Variants in MARCHF1 observed in about 807,000 individuals in gnomAD.
MARCHF1 encodes membrane associated ring-CH-type finger 1.
In MARCHF1, 40 loss-of-function variants were observed where a neutral mutation model predicts 54.2. The observed-to-expected ratio is 0.74, with a 90% CI of 0.57 to 0.96. The LOEUF (loss-of-function observed/expected upper bound fraction) is 0.96, where lower values mean the gene tolerates loss of function less well. Among genes scored for constraint, MARCHF1 ranks in the 40% least tolerant of loss-of-function variants. The pLI, the probability that MARCHF1 is intolerant of heterozygous loss-of-function variation, is 0.00. For synonymous variants in MARCHF1, 236 were observed against 236.3 expected, an observed-to-expected ratio of 1.00 and a Z score of 0.01; for missense variants, 586 against 656.5, an observed-to-expected ratio of 0.89 and a Z score of 1.17.
chr4:163,804,444 T>C (rs1000032994), intron 4 of MARCHF1, among the ~76,000 whole-genome samples: 4 of 152,190 alleles, frequency 2.6e-5, no homozygotes, highest in African/African-American at 9.6e-5. Context: ...TGATACTTTT[T>C]AACAAGCTCA....
intron 3 of MARCHF1, among the ~76,000 whole-genome samples, chr4:163,889,701 C>T (rs1030415477): frequency 1.3e-5 from 2 of 151,950 alleles, no homozygotes; most frequent in African/African-American, 4.8e-5. Flanking sequence ...TGACTCGATC[C>T]TATTTCCCTT....
At chr4:163,656,376 T>G (rs1458751437) in intron 5 of MARCHF1, among the ~76,000 whole-genome samples, 1 of 151,978 alleles carries the variant, frequency 6.6e-6, no homozygotes, top group Non-Finnish European at 1.5e-5. Flanking sequence ...AATCCCTGAA[T>G]AGACTAATAA....
At chr4:164,189,249 G>A in intron 1 of MARCHF1, 1 of 578,374 alleles carries the variant, frequency 1.7e-6, no homozygotes, top group Non-Finnish European at 3.2e-6. Flanking sequence ...TCCAGCTAGA[G>A]GTAGAAAAGG....
At chr4:164,139,391 A>G (rs145543926) in intron 1 of MARCHF1, among the ~76,000 whole-genome samples, 20 of 152,318 alleles carry the variant, frequency 1.3e-4, no homozygotes, top group African/African-American at 4.6e-4. Context: ...TCATGTAAGA[A>G]ATGTTGACAA....
chr4:164,123,590 A>AT lies in MARCHF1; in HGVS notation c.-322-11929dup, dbSNP rs879676770. ...AGTAACCAAGCAGCATGGTGCTAGC[A>AT]TAAAAACAGACATATAGACCAATGG... On this transcript the variant is annotated intron_variant, in intron 1 of 9. Coordinates refer to ENST00000514618, the MANE Select transcript of MARCHF1 (RefSeq NM_001394959.1). Among the ~76,000 whole-genome samples the AT allele has an allele frequency of 4.3e-4, 65 of 152,302 alleles. 1 individual carries two copies. Among genetic ancestry groups the AT allele is most frequent in the Admixed American group, 4.1e-3 (63 of 15,280 alleles).
intron 4 of MARCHF1, among the ~76,000 whole-genome samples, chr4:163,746,334 T>A (rs1158643735): frequency 6.6e-6 from 1 of 152,220 alleles, no homozygotes; most frequent in African/African-American, 2.4e-5. Flanking sequence ...TTTTATGGCT[T>A]GAGAGCTCAT....
At chr4:163,882,227 G>C (rs539152197) in intron 3 of MARCHF1, among the ~76,000 whole-genome samples, 4 of 152,294 alleles carry the variant, frequency 2.6e-5, no homozygotes. Flanking sequence ...ATAAACACAG[G>C]ATTGTGTCTC....
chr4:163,983,325 T>G (rs1752798589), intron 3 of MARCHF1, among the ~76,000 whole-genome samples: 1 of 152,212 alleles, frequency 6.6e-6, no homozygotes, highest in African/African-American at 2.4e-5. Context: ...GAGGCCTTGA[T>G]GAAGCCAGAA....
intron 3 of MARCHF1, among the ~76,000 whole-genome samples, chr4:163,867,182 A>G (rs997257846): frequency 5.9e-5 from 9 of 152,050 alleles, no homozygotes; most frequent in Non-Finnish European, 1.3e-4. Context: ...GCCATGAGTC[A>G]CCTCATAAGC....
At chr4:163,592,626 G>A (rs1259338310) in intron 7 of MARCHF1, among the ~76,000 whole-genome samples, 2 of 151,916 alleles carry the variant, frequency 1.3e-5, no homozygotes, top group African/African-American at 2.4e-5. Flanking sequence ...AGTCTTATTT[G>A]AATTCACAGA....
intron 1 of MARCHF1, among the ~76,000 whole-genome samples, chr4:164,142,448 G>C (rs565463508): frequency 6.6e-6 from 1 of 152,252 alleles, no homozygotes; most frequent in Admixed American, 6.5e-5. Context: ...GAGAGCAGTG[G>C]TTCTCCCAGC....
At chr4:163,731,951 A>G (rs1028268053) in intron 4 of MARCHF1, among the ~76,000 whole-genome samples, 3 of 152,206 alleles carry the variant, frequency 2.0e-5, no homozygotes, top group Non-Finnish European at 4.4e-5. Flanking sequence ...ACAAGATCCC[A>G]GAACAAAGCT....
At chr4:164,022,399 C>T (rs1274174045) in intron 2 of MARCHF1, among the ~76,000 whole-genome samples, 1 of 152,196 alleles carries the variant, frequency 6.6e-6, no homozygotes. Context: ...CACTGACAGT[C>T]AATGGAGAGC....
chr4:163,679,864 T>G (rs1242560465), intron 5 of MARCHF1, among the ~76,000 whole-genome samples: 1 of 152,016 alleles, frequency 6.6e-6, no homozygotes, highest in Non-Finnish European at 1.5e-5. Flanking sequence ...CCTCCCAAAG[T>G]GCTGGGATTA....
At position 164,357,980 on chromosome 4, in the gene MARCHF1, C is replaced by G. The variant is rs1301716092; in HGVS notation, c.-323+25890G>C. On this transcript the variant is annotated intron_variant, in intron 1 of 9. Transcript: ENST00000514618. ...TTTTCGGTGATCAGGTGACAGATGA[C>G]AAGGTGAGAAACATAAGAGAAGTAA... Among the ~76,000 whole-genome samples the G allele has an allele frequency of 2.0e-5, 3 of 152,030 alleles. No homozygotes were observed. The East Asian group carries it at 5.8e-4, about 29-fold the overall frequency.
At chr4:163,569,356 A>G (rs1270649933) in intron 8 of MARCHF1, among the ~76,000 whole-genome samples, 2 of 152,094 alleles carry the variant, frequency 1.3e-5, no homozygotes, top group Non-Finnish European at 2.9e-5. Context: ...ATAAGGTTAT[A>G]TTTTGAAGTG....
chr4:163,612,925 C>T lies in MARCHF1; in HGVS notation c.356G>A (p.Arg119Lys), dbSNP rs1419375676. ...SGKKSVIQRPRRRRKASERYE... is the reference protein window; with the variant it reads ...SGKKSVIQRPKRRRKASERYE... ...TCTCTCAGAGGCTTTTCTCCTCCTC[C>T]TAGGTCTTTGTATTACTGATTTCTT... Residue 119 changes from arginine (R) to lysine (K), a missense_variant, in exon 7 of 10, where the codon AGG (arginine) becomes AAG (lysine). Coordinates refer to ENST00000514618, the MANE Select transcript of MARCHF1 (RefSeq NM_001394959.1). 2 of 1,535,402 alleles carry T rather than the reference C, an allele frequency of 1.3e-6. No individual in the cohort carries two copies. Among genetic ancestry groups the T allele is most frequent in the East Asian group, 4.9e-5 (2 of 40,892 alleles).
At chr4:163,677,577 T>G (rs1743960261) in intron 5 of MARCHF1, among the ~76,000 whole-genome samples, 1 of 152,180 alleles carries the variant, frequency 6.6e-6, no homozygotes, top group Non-Finnish European at 1.5e-5. Context: ...CATGCTATAT[T>G]TAATACCAAC....
intron 5 of MARCHF1, among the ~76,000 whole-genome samples, chr4:163,636,909 T>C (rs1047172999): frequency 2.0e-5 from 3 of 152,268 alleles, no homozygotes; most frequent in Non-Finnish European, 1.5e-5. Context: ...TACAGATCAA[T>C]GGAACAGGAC....
Sources: allele counts gnomAD v4.1 joint callset (sites outside exome capture counted in the v4.1 genomes callset), GRCh38; gene constraint gnomAD v4.1.1; transcripts MANE v1.5; gene names NCBI Gene and HGNC (gene_info 2026-07-23, HGNC 2026-07-21).